The following SDHB variants were observed in gnomAD, a reference collection of about 807,000 sequenced individuals.
SDHB encodes succinate dehydrogenase complex iron sulfur subunit B.
Under a neutral mutation model 39.7 loss-of-function variants are expected in SDHB, and 21 were observed. That is an observed-to-expected ratio of 0.53 (90% confidence interval 0.37 to 0.76). SDHB has a LOEUF of 0.76. Ranked by LOEUF, SDHB falls within the 30% of genes least tolerant of loss-of-function variation. SDHB has a pLI of 0.00. For synonymous variants in SDHB, 118 were observed against 117.0 expected (o/e 1.01, Z -0.06); for missense variants, 343 against 350.9 (o/e 0.98, Z 0.18).
At chr1:17,051,397 C>G (rs1041501325) in intron 1 of SDHB, among the ~76,000 whole-genome samples, 3 of 152,090 alleles carry the variant, frequency 2.0e-5, no homozygotes, top group Non-Finnish European at 4.4e-5. Context: ...GGTTGTTGTT[C>G]CTCCAGTAAA....
chr1:17,035,376 T>C (rs2078045457), intron 2 of SDHB, among the ~76,000 whole-genome samples: 1 of 152,194 alleles, frequency 6.6e-6, no homozygotes. Context: ...AAATCCTCTT[T>C]TGCTTCTTAT....
rs2078108750 is a variant in SDHB, at chr1:17,046,014, CT to C, written c.73-1127del. Among the ~76,000 whole-genome samples, 3 of 152,160 alleles carry C rather than the reference CT, an allele frequency of 2.0e-5. No individual in the cohort carries two copies. The South Asian group carries it at 6.2e-4, about 32-fold the overall frequency. ...ATTTTTTGTTCAACATGCTAAAAAC[CT>C]TGACGACTTGTGGTCAAGACCGTCT... On this transcript the variant is annotated intron_variant, in intron 1 of 7. Coordinates refer to ENST00000375499, the MANE Select transcript of SDHB (RefSeq NM_003000.3).
chr1:17,053,706 C>A lies in SDHB; in HGVS notation c.72+242G>T, dbSNP rs114847365. 2.3e-3 allele frequency among the ~76,000 whole-genome samples: 353 copies of A among 151,886 alleles called. 4 individuals carry two copies. The highest frequency in any genetic ancestry group is 7.1e-3 in the African/African-American group (293 of 41,410). ...CAAGTCCCCTTTCTGAACGTCCCCCCCCCCCGCACCCTTAGCTGTAAAAAA... is the reference window on the plus strand; with the variant it reads ...CAAGTCCCCTTTCTGAACGTCCCCCACCCCCGCACCCTTAGCTGTAAAAAA... On this transcript the variant is annotated intron_variant, in intron 1 of 7. Coordinates refer to ENST00000375499, the MANE Select transcript of SDHB (RefSeq NM_003000.3).
intron 5 of SDHB, among the ~76,000 whole-genome samples, 180 bp from the exon 6 acceptor site, chr1:17,024,254 C>T (rs1570946108): frequency 6.6e-6 from 1 of 152,208 alleles, no homozygotes; most frequent in Non-Finnish European, 1.5e-5. Flanking sequence ...AAAGATCTTG[C>T]AAGTGAAATG....
intron 2 of SDHB, among the ~76,000 whole-genome samples, chr1:17,034,926 G>A (rs2078043018): frequency 6.6e-6 from 1 of 152,104 alleles, no homozygotes. Context: ...TCTAGATGCT[G>A]GGGATGTAGC....
At chr1:17,037,074 C>T (rs1218083252) in intron 2 of SDHB, among the ~76,000 whole-genome samples, 1 of 151,960 alleles carries the variant, frequency 6.6e-6, no homozygotes, top group African/African-American at 2.4e-5. Context: ...TACATAGCTA[C>T]AAAGTAGGGT....
At chr1:17,024,601 G>A (rs2235929) in intron 5 of SDHB, among the ~76,000 whole-genome samples, 38,933 of 152,104 alleles carry the variant, frequency 0.26, 5,706 homozygotes, top group East Asian at 0.63. Context: ...CAGTAATCCT[G>A]TGAGGTGACT....
rs2077999528 is a variant in SDHB, at chr1:17,027,774, T to C, written c.515A>G (p.Gln172Arg). Residue 172 changes from glutamine to arginine, a missense_variant, in exon 5 of 8, where the codon CAG (glutamine) becomes CGG (arginine). Gln to Arg is a conservative substitution (Grantham distance 43). Transcript: ENST00000375499. ...CAGTTTCTCACGCTCTTCTATGGACTGCAGATACTGCTGCTTGCCTTCCTG... is the reference window on the plus strand; with the variant it reads ...CAGTTTCTCACGCTCTTCTATGGACCGCAGATACTGCTGCTTGCCTTCCTG... ...ESQEGKQQYL[Q>R]SIEEREKLDG... 1 of 1,606,050 alleles carries C rather than the reference T, an allele frequency of 6.2e-7. No homozygotes were observed. Among genetic ancestry groups the C allele is most frequent in the African/African-American group, 1.3e-5 (1 of 74,794 alleles).
intron 2 of SDHB, among the ~76,000 whole-genome samples, chr1:17,034,369 T>G (rs992272749): frequency 6.6e-6 from 1 of 151,774 alleles, no homozygotes; most frequent in African/African-American, 2.4e-5. Flanking sequence ...GGCTGGTCTC[T>G]AACTCCTGGA....
chr1:17,024,715 C>A (rs1382229378), intron 5 of SDHB, among the ~76,000 whole-genome samples: 2 of 152,210 alleles, frequency 1.3e-5, no homozygotes, highest in African/African-American at 4.8e-5. Flanking sequence ...GATGTGGCCC[C>A]GGCAGCTGGC....
intron 1 of SDHB, among the ~76,000 whole-genome samples, chr1:17,051,331 G>A (rs548729773): frequency 1.8e-4 from 28 of 152,276 alleles, no homozygotes; most frequent in Non-Finnish European, 1.5e-5. Flanking sequence ...TATAATTTAA[G>A]CAAGGTAAGC....
intron 1 of SDHB, among the ~76,000 whole-genome samples, chr1:17,047,330 TG>T (rs1391571146): frequency 6.6e-6 from 1 of 151,740 alleles, no homozygotes; most frequent in Non-Finnish European, 1.5e-5. Flanking sequence ...CACTCCAGCC[TG>T]GGTGACAGAG....
chr1:17,053,254 CT>C (rs1557749390), intron 1 of SDHB, among the ~76,000 whole-genome samples: 2 of 152,310 alleles, frequency 1.3e-5, no homozygotes, highest in African/African-American at 4.8e-5. Flanking sequence ...GCCAAGCCCT[CT>C]ACCTGTCATT....
chr1:17,053,124 C>T (rs1344491160), intron 1 of SDHB, among the ~76,000 whole-genome samples: 7 of 152,152 alleles, frequency 4.6e-5, no homozygotes. Context: ...AAAGCAATTT[C>T]CCTTCCCCTT....
intron 7 of SDHB, among the ~76,000 whole-genome samples, chr1:17,021,045 G>A (rs1158197840): frequency 1.3e-5 from 2 of 152,170 alleles, no homozygotes; most frequent in Non-Finnish European, 1.5e-5. Context: ...GTCTTTGCTC[G>A]GAGGGCAGCC....
chr1:17,032,008 G>A (rs1225647142), intron 3 of SDHB, among the ~76,000 whole-genome samples: 1 of 152,012 alleles, frequency 6.6e-6, no homozygotes, highest in Non-Finnish European at 1.5e-5. Context: ...AACAGAGCCG[G>A]GCACACAGTC....
intron 1 of SDHB, among the ~76,000 whole-genome samples, chr1:17,048,461 T>A (rs1276922493): frequency 8.3e-6 from 1 of 120,086 alleles, no homozygotes; most frequent in East Asian, 2.1e-4. Context: ...GTGGACAAAT[T>A]TCTGTGTGAA....
chr1:17,050,791 G>A (rs2078142150), intron 1 of SDHB, among the ~76,000 whole-genome samples: 1 of 152,152 alleles, frequency 6.6e-6, no homozygotes, highest in Admixed American at 6.6e-5. Flanking sequence ...TCATCTTGAG[G>A]TCTGTACAAA....
chr1:17,030,972 T>TTA (rs1553177929), intron 3 of SDHB, among the ~76,000 whole-genome samples: 1 of 147,458 alleles, frequency 6.8e-6, no homozygotes, highest in Admixed American at 6.7e-5. Flanking sequence ...TTTTTTTTTT[T>TTA]AATGGAAAGG....
Sources: gnomAD v4.1 joint callset for allele counts (sites outside exome capture counted in the v4.1 genomes callset) on GRCh38, gnomAD v4.1.1 for gene constraint, MANE v1.5 for transcripts, NCBI Gene and HGNC (gene_info 2026-07-23, HGNC 2026-07-21) for gene names.